The following CPS1 variants were observed in gnomAD, a reference collection of about 807,000 sequenced individuals.
CPS1 encodes carbamoyl-phosphate synthase [ammonia], mitochondrial.
Under a neutral mutation model 174.6 loss-of-function variants are expected in CPS1, and 109 were observed. The observed-to-expected ratio is 0.62, with a 90% CI of 0.53 to 0.73. The LOEUF (loss-of-function observed/expected upper bound fraction) is 0.73, where lower values mean the gene tolerates loss of function less well. CPS1 is among the 30% of genes least tolerant of loss of function. The pLI, the probability that CPS1 is intolerant of heterozygous loss-of-function variation, is 0.00. For synonymous variants in CPS1, 637 were observed against 632.0 expected (o/e 1.01, Z -0.12); for missense variants, 1,689 against 1,821.9 (o/e 0.93, Z 1.33).
At chr2:210,570,544 G>A (rs1227717368) in intron 1 of CPS1, among the ~76,000 whole-genome samples, 2 of 151,772 alleles carry the variant, frequency 1.3e-5, no homozygotes, top group Non-Finnish European at 2.9e-5. Context: ...ATAAACAAAG[G>A]TAATATTTTA....
At chr2:210,672,696 T>C (rs1701350814) in intron 34 of CPS1, 1 of 152,176 alleles carries the variant, frequency 6.6e-6, no homozygotes, top group South Asian at 2.1e-4. Flanking sequence ...TCTAAGCTCA[T>C]TTCTTTCTGT....
chr2:210,522,447 T>A (rs764680569), intron 1 of CPS1, among the ~76,000 whole-genome samples: 2 of 152,016 alleles, frequency 1.3e-5, no homozygotes, highest in Non-Finnish European at 2.9e-5. Context: ...ATCTGACTGA[T>A]ATGATAATTA....
intron 22 of CPS1, 35 bp downstream of exon 22, chr2:210,637,878 G>T: frequency 6.2e-7 from 1 of 1,612,678 alleles, no homozygotes; most frequent in South Asian, 1.1e-5. Flanking sequence ...ATCCCCCACT[G>T]ACAGGATTTC....
At chr2:210,638,530 T>G (rs1700107101) in intron 22 of CPS1, among the ~76,000 whole-genome samples, 1 of 152,222 alleles carries the variant, frequency 6.6e-6, no homozygotes, top group African/African-American at 2.4e-5. Flanking sequence ...AGCTTTTTGC[T>G]AAATATTTTC....
chr2:210,608,697 G>A, intron 19 of CPS1, 138 bp downstream of exon 19: 2 of 811,126 alleles, frequency 2.5e-6, no homozygotes, highest in South Asian at 1.4e-5. Context: ...CAGTGTTAAA[G>A]TTGCCTGAAT....
chr2:210,649,564 C>G (rs956339763), intron 27 of CPS1, among the ~76,000 whole-genome samples: 1 of 152,074 alleles, frequency 6.6e-6, no homozygotes, highest in Non-Finnish European at 1.5e-5. Context: ...ATACATAGAT[C>G]AAAACATCAC....
intron 3 of CPS1, 71 bp from the exon 4 acceptor site, chr2:210,577,350 T>A: frequency 2.4e-6 from 3 of 1,226,284 alleles, no homozygotes; most frequent in South Asian, 1.2e-5. Flanking sequence ...TAAAAACAAA[T>A]GCAAATTGAC....
At chr2:210,508,828 A>G (rs1695365154) in intron 1 of CPS1, among the ~76,000 whole-genome samples, 1 of 152,240 alleles carries the variant, frequency 6.6e-6, no homozygotes, top group Non-Finnish European at 1.5e-5. Context: ...AGACTAAACC[A>G]GGAAGAAGTT....
chr2:210,653,969 C>T (rs1474557189), intron 28 of CPS1, 56 bp from the exon 29 acceptor site: 1 of 1,342,232 alleles, frequency 7.5e-7, no homozygotes, highest in African/African-American at 1.4e-5. Flanking sequence ...GGCTTATTGA[C>T]ACTATATACA....
chr2:210,657,310 CT>C (rs555740700), intron 30 of CPS1: 951 of 140,482 alleles, frequency 6.8e-3, no homozygotes, highest in African/African-American at 9.4e-3. Context: ...AACCTATCAT[CT>C]TTTTTTTTTT....
At chr2:210,581,495 C>T (rs541511356) in intron 5 of CPS1, among the ~76,000 whole-genome samples, 153 of 152,108 alleles carry the variant, frequency 1.0e-3, no homozygotes, top group Non-Finnish European at 2.0e-3. Context: ...AAAGTAAGAT[C>T]GTATTTCATT....
At chr2:210,504,862 G>C (rs371874767) in intron 1 of CPS1, among the ~76,000 whole-genome samples, 4 of 152,126 alleles carry the variant, frequency 2.6e-5, no homozygotes, top group Admixed American at 2.6e-4. Flanking sequence ...GGATCATTTA[G>C]TGTGTCTGCA....
Position 210,605,109 on chromosome 2 carries a change from C to T in CPS1, c.1844C>T (p.Ala615Val). Reference protein sequence around the residue: ...TLMDLSTKAFAMTNQILVEKS... With the variant: ...TLMDLSTKAFVMTNQILVEKS... ...TTTGTCACCAATTTCTAGGCCTTTGCTATGACCAACCAAATTCTGGTGGAG... is the reference window on the plus strand; with the variant it reads ...TTTGTCACCAATTTCTAGGCCTTTGTTATGACCAACCAAATTCTGGTGGAG... The change falls in exon 17 of 38, where the codon GCT becomes GTT. Residue 615 changes from alanine (A) to valine (V), a missense_variant. By Grantham distance (64) the Ala-to-Val change is moderately conservative. Coordinates refer to ENST00000233072, the MANE Select transcript of CPS1 (RefSeq NM_001875.5). 1 of 1,611,816 alleles carries T rather than the reference C, an allele frequency of 6.2e-7. No homozygotes were observed. The highest frequency in any genetic ancestry group is 8.5e-7 in the Non-Finnish European group (1 of 1,178,574).
intron 1 of CPS1, among the ~76,000 whole-genome samples, chr2:210,498,314 A>G (rs917125628): frequency 1.3e-5 from 2 of 151,912 alleles, no homozygotes; most frequent in Non-Finnish European, 2.9e-5. Flanking sequence ...TGTGTCATCT[A>G]TTATTTCTTT....
At chr2:210,637,991 C>A in intron 22 of CPS1, 148 bp downstream of exon 22, 1 of 870,686 alleles carries the variant, frequency 1.1e-6, no homozygotes. Flanking sequence ...ATAATGTCAC[C>A]AATTTTATTC....
chr2:210,590,704 C>T (rs1008718517), intron 8 of CPS1, 96 bp from the exon 9 acceptor site: 22 of 907,574 alleles, frequency 2.4e-5, no homozygotes, highest in Admixed American at 1.5e-4. Flanking sequence ...TTCTCTTTAC[C>T]TTCTTAAGAA....
chr2:210,610,350 T>C (rs976379218), intron 19 of CPS1, among the ~76,000 whole-genome samples: 1 of 151,910 alleles, frequency 6.6e-6, no homozygotes. Context: ...ACCTTACATT[T>C]AGTTCAAAAA....
chr2:210,605,280 C>G (rs372389580), intron 17 of CPS1, 34 bp downstream of exon 17: 2 of 1,609,368 alleles, frequency 1.2e-6, no homozygotes, highest in African/African-American at 1.3e-5. Flanking sequence ...TATAGTAATG[C>G]TTTCAGTTCA....
chr2:210,601,637 A>G (rs1390192047), intron 15 of CPS1, among the ~76,000 whole-genome samples: 1 of 151,968 alleles, frequency 6.6e-6, no homozygotes, highest in East Asian at 1.9e-4. Flanking sequence ...TCCCATTGGT[A>G]GTGTAATAAT....
Sources: gnomAD v4.1 joint callset for allele counts (sites outside exome capture counted in the v4.1 genomes callset) on GRCh38, gnomAD v4.1.1 for gene constraint, MANE v1.5 for transcripts, NCBI Gene and HGNC (gene_info 2026-07-23, HGNC 2026-07-21) for gene names.